The following CES1 variants were observed in gnomAD, a reference collection of about 807,000 sequenced individuals.
CES1 encodes the protein carboxylesterase 1, also known as liver carboxylesterase 1.
CES1 carries 50 observed loss-of-function variants against 53.0 expected under a neutral mutation model. The observed-to-expected ratio is 0.94, with a 90% CI of 0.75 to 1.19. CES1 has a LOEUF of 1.19. Among genes scored for constraint, CES1 ranks in the 50% most tolerant of loss-of-function variants. CES1 has a pLI of 0.00. For synonymous variants in CES1, 202 were observed against 210.1 expected (o/e 0.96, Z 0.33); for missense variants, 534 against 538.0 (o/e 0.99, Z 0.07).
At chr16:55,822,256 G>A (rs1439022411) in intron 4 of CES1, among the ~76,000 whole-genome samples, 1 of 152,248 alleles carries the variant, frequency 6.6e-6, no homozygotes, top group Non-Finnish European at 1.5e-5. Flanking sequence ...TGGCTACTGT[G>A]CAACTCAGCT....
chr16:55,814,620 T>C (rs1481803990), intron 8 of CES1, among the ~76,000 whole-genome samples: 1 of 152,226 alleles, frequency 6.6e-6, no homozygotes, highest in South Asian at 2.1e-4. Flanking sequence ...GTTAGCAAGG[T>C]TGCTGTGGGT....
intron 2 of CES1, among the ~76,000 whole-genome samples, 168 bp from the exon 3 acceptor site, chr16:55,826,463 C>T (rs1179405389): frequency 2.0e-5 from 3 of 152,226 alleles, no homozygotes; most frequent in Middle Eastern, 3.4e-3. Flanking sequence ...GGTGGGGGCG[C>T]TGGGACTCAC....
intron 3 of CES1, among the ~76,000 whole-genome samples, chr16:55,824,892 C>A (rs1597086244): frequency 6.6e-6 from 1 of 152,324 alleles, no homozygotes; most frequent in South Asian, 2.1e-4. Context: ...AGCCTGTGGC[C>A]ATTCCTGGAG....
chr16:55,811,199 T>C (rs1470630666), intron 9 of CES1, among the ~76,000 whole-genome samples, 189 bp from the exon 10 acceptor site: 1 of 131,368 alleles, frequency 7.6e-6, no homozygotes, highest in Admixed American at 8.2e-5. Context: ...ACTCAAGCAT[T>C]GCAAAGTTTA....
chr16:55,822,858 G>T (rs1466012352), intron 4 of CES1, among the ~76,000 whole-genome samples: 2 of 152,110 alleles, frequency 1.3e-5, no homozygotes, highest in Non-Finnish European at 2.9e-5. Flanking sequence ...ACCGCAATGA[G>T]ACCAACTGAG....
chr16:55,832,892 C>T (rs1555509548), intron 1 of CES1, 112 bp downstream of exon 1: 5 of 1,028,066 alleles, frequency 4.9e-6, no homozygotes, highest in African/African-American at 3.1e-5. Flanking sequence ...AGTCGTGCCC[C>T]GCCGCAGAGC....
At chr16:55,828,496 G>C (rs1162688295) in intron 2 of CES1, among the ~76,000 whole-genome samples, 1 of 152,132 alleles carries the variant, frequency 6.6e-6, no homozygotes, top group Non-Finnish European at 1.5e-5. Context: ...GTCTCCCCCT[G>C]CTAGAATGCA....
intron 5 of CES1, 85 bp from the exon 6 acceptor site, chr16:55,820,564 A>G: frequency 6.2e-7 from 1 of 1,606,234 alleles, no homozygotes; most frequent in Non-Finnish European, 8.5e-7. Context: ...GATCTACTCC[A>G]CTATAAAACC....
intron 1 of CES1, among the ~76,000 whole-genome samples, 180 bp from the exon 2 acceptor site, chr16:55,829,154 G>A (rs1418319657): frequency 1.3e-5 from 2 of 152,054 alleles, no homozygotes; most frequent in Non-Finnish European, 2.9e-5. Flanking sequence ...CCATTGAGCT[G>A]GTTTAATGGG....
chr16:55,816,915 G>C lies in CES1; in HGVS notation c.945+9C>G. ...CAAAACCCGTAATCCAGAAACAAAA[G>C]GTCCTTACCTCTCTGGGGTCTCCCT... On this transcript the variant is annotated intron_variant, in intron 8 of 13. Transcript: ENST00000360526. The C allele has an allele frequency of 6.2e-7, 1 of 1,613,950 alleles. No homozygotes were observed. Among genetic ancestry groups the C allele is most frequent in the Admixed American group, 1.7e-5 (1 of 60,028 alleles).
rs1244780206 is a variant in CES1, at chr16:55,821,350, G to A, written c.693+18C>T. On this transcript the variant is annotated intron_variant, in intron 5 of 13. Transcript: ENST00000360526. ...TCACATCAAGCGTGGGGTTGGGCCT[G>A]GTGACAGGAAAACTCACAAGAACAG... 1 of 1,614,048 alleles carries A rather than the reference G, an allele frequency of 6.2e-7. No homozygotes were observed. Among genetic ancestry groups the A allele is most frequent in the Non-Finnish European group, 8.5e-7 (1 of 1,180,014 alleles).
intron 9 of CES1, among the ~76,000 whole-genome samples, chr16:55,811,325 G>A (rs1429830821): frequency 2.0e-5 from 3 of 152,058 alleles, no homozygotes; most frequent in Admixed American, 1.3e-4. Flanking sequence ...ACAGTGGTCA[G>A]TGACATGGAG....
intron 1 of CES1, among the ~76,000 whole-genome samples, chr16:55,831,986 C>T (rs2032700267): frequency 1.6e-5 from 2 of 123,448 alleles, no homozygotes; most frequent in Admixed American, 1.7e-4. Flanking sequence ...GCCTTGTTGA[C>T]CTTGGAGAAA....
rs1297214041 is a variant in CES1, at chr16:55,816,926, C to T, written c.943G>A (p.Glu315Lys). 2 of 1,613,968 alleles carry T rather than the reference C, an allele frequency of 1.2e-6. No homozygotes were observed. Among genetic ancestry groups the T allele is most frequent in the African/African-American group, 2.7e-5 (2 of 74,918 alleles). ...ATCCAGAAACAAAAGGTCCTTACCTCTCTGGGGTCTCCCTGTAAGTCCAGA... is the reference window on the plus strand; with the variant it reads ...ATCCAGAAACAAAAGGTCCTTACCTTTCTGGGGTCTCCCTGTAAGTCCAGA... ...LSLDLQGDPR[E>K]SQPLLGTVID... The change falls in exon 8 of 14, where the codon GAG (glutamate) becomes AAG (lysine). Residue 315 changes from glutamate (E) to lysine (K), a missense_variant and splice_region_variant. Glu to Lys is a moderately conservative substitution (Grantham distance 56). This residue lies in a region of CES1 where 269 missense variants were observed against 206.6 expected (regional missense o/e 1.30). Coordinates refer to ENST00000360526, the MANE Select transcript of CES1 (RefSeq NM_001025195.2).
intron 2 of CES1, among the ~76,000 whole-genome samples, 188 bp downstream of exon 2, chr16:55,828,579 G>T (rs1176522610): frequency 3.3e-5 from 5 of 152,040 alleles, no homozygotes; most frequent in Non-Finnish European, 7.4e-5. Flanking sequence ...CTGGCACACA[G>T]CAGGTGCTCA....
intron 1 of CES1, among the ~76,000 whole-genome samples, chr16:55,829,920 T>C (rs2032573757): frequency 6.6e-6 from 1 of 152,246 alleles, no homozygotes; most frequent in South Asian, 2.1e-4. Context: ...CATGGGACTA[T>C]ACTGGCCTGA....
At chr16:55,809,713 G>A (rs2031602965) in intron 11 of CES1, among the ~76,000 whole-genome samples, 1 of 152,158 alleles carries the variant, frequency 6.6e-6, no homozygotes, top group African/African-American at 2.4e-5. Flanking sequence ...ACCCGCCCTG[G>A]CTCCTCTCTC....
chr16:55,821,245 A>C, intron 5 of CES1, 123 bp downstream of exon 5: 26 of 1,298,796 alleles, frequency 2.0e-5, no homozygotes, highest in Middle Eastern at 1.8e-4. Context: ...GGCTGTGAGT[A>C]GGGCCAGTCC....
At position 55,819,467 on chromosome 16, in the gene CES1, G is replaced by C. The variant is rs8192941; in HGVS notation, c.906+68C>G. 6.6e-4 allele frequency: 760 copies of C among 1,153,710 alleles called. 10 individuals carry two copies. The East Asian group carries it at 0.017, about 26-fold the overall frequency. 71.5% of individuals were successfully genotyped at this position (1,153,710 alleles called of 1,614,324 possible). ...CCCAGGAAACTGTCCCTGGGCAAGA[G>C]GACAGCTGAAATGAAGAAGTCTGGG... On this transcript the variant is annotated intron_variant, in intron 7 of 13. Coordinates refer to ENST00000360526, the MANE Select transcript of CES1 (RefSeq NM_001025195.2).
Sources: allele counts gnomAD v4.1 joint callset (sites outside exome capture counted in the v4.1 genomes callset), GRCh38; gene constraint gnomAD v4.1.1; regional missense constraint gnomAD v4.1.1; transcripts MANE v1.5; gene names NCBI Gene and HGNC (gene_info 2026-07-23, HGNC 2026-07-21).